Variants in CD226 observed in about 807,000 individuals in gnomAD.
CD226 encodes the protein CD226 antigen.
A neutral mutation model predicts 34.9 loss-of-function variants in CD226; 24 were observed. The observed-to-expected ratio is 0.69, with a 90% confidence interval of 0.50 to 0.97. The LOEUF (loss-of-function observed/expected upper bound fraction) is 0.97, where lower values mean the gene tolerates loss of function less well. Among genes scored for constraint, CD226 ranks in the 50% least tolerant of loss-of-function variants. The pLI, the probability that CD226 is intolerant of heterozygous loss-of-function variation, is 0.00. For missense variants in CD226, 397 were observed against 412.7 expected, an observed-to-expected ratio of 0.96 and a Z score of 0.33; for synonymous variants, 148 against 147.4, an observed-to-expected ratio of 1.00 and a Z score of -0.03.
intron 3 of CD226, among the ~76,000 whole-genome samples, chr18:69,886,082 C>T (rs1029218801): frequency 1.3e-5 from 2 of 152,108 alleles, no homozygotes; most frequent in East Asian, 3.9e-4. Flanking sequence ...TTTTCTCTTC[C>T]ACTTTGAGCA....
chr18:69,931,666 T>G (rs2055591037), intron 2 of CD226, among the ~76,000 whole-genome samples: 1 of 152,166 alleles, frequency 6.6e-6, no homozygotes, highest in South Asian at 2.1e-4. Flanking sequence ...CTCTGGCAGT[T>G]GTAATAGTTT....
At position 69,873,126 on chromosome 18, in the gene CD226, A is replaced by G. The variant is rs763426759; in HGVS notation, c.830+18T>C. ...TCTAACATGGTGAATAAGATTCAGC[A>G]TAAGTTGCACTACTCACCTGTTAAG... is the stretch of plus-strand genomic sequence containing the variant. On this transcript the variant is annotated intron_variant, in intron 4 of 5. Transcript: ENST00000582621. 20 of 1,280,356 alleles carry G rather than the reference A, an allele frequency of 1.6e-5. No homozygotes were observed. The highest frequency in any genetic ancestry group is 1.3e-4 in the Admixed American group (8 of 59,418). 79.3% of individuals were successfully genotyped at this position (1,280,356 alleles called of 1,614,324 possible). A position where few individuals can be genotyped will look rare whatever the true frequency, so the allele number is the denominator to read the frequency against.
intron 2 of CD226, among the ~76,000 whole-genome samples, chr18:69,930,396 T>G (rs1424149682): frequency 6.6e-6 from 1 of 152,076 alleles, no homozygotes; most frequent in East Asian, 1.9e-4. Context: ...AGCAAATGTA[T>G]TTGTGAAAGG....
chr18:69,871,926 A>T (rs1042400031), intron 4 of CD226, among the ~76,000 whole-genome samples: 4 of 152,138 alleles, frequency 2.6e-5, no homozygotes, highest in African/African-American at 7.2e-5. Flanking sequence ...TGGGTTAGAG[A>T]AAGAGGCTAC....
In CD226 at chr18:69,858,229, G is replaced by C. The variant is rs1368295169; in HGVS notation, c.*6085C>G. 6.6e-6 allele frequency: 1 copy of C among 152,064 alleles called. No homozygotes were observed. Among genetic ancestry groups the C allele is most frequent in the East Asian group, 1.9e-4 (1 of 5,196 alleles). 9.4% of individuals were successfully genotyped at this position (152,064 alleles called of 1,614,324 possible). A position where few individuals can be genotyped will look rare whatever the true frequency, so the allele number is the denominator to read the frequency against. ...TCTTGGATATATTTAGTTACATCTG[G>C]AATAAACTCAGGTATTACACAGGGC... On this transcript the variant is annotated 3_prime_UTR_variant, in exon 6 of 6. Transcript: ENST00000582621.
chr18:69,901,257 G>C (rs1298611819), intron 2 of CD226, among the ~76,000 whole-genome samples: 1 of 152,172 alleles, frequency 6.6e-6, no homozygotes, highest in Admixed American at 6.5e-5. Context: ...AAAATTCATA[G>C]AACTGGAGAA....
intron 2 of CD226, among the ~76,000 whole-genome samples, chr18:69,901,081 G>T (rs67660661): frequency 0.18 from 26,666 of 151,962 alleles, 2,581 homozygotes; most frequent in Middle Eastern, 0.42. Context: ...TTACAGAACT[G>T]CAAAGAGCAG....
In CD226 at chr18:69,916,734, T is replaced by A. The variant is rs181754552; in HGVS notation, c.383-20689A>T. Among the ~76,000 whole-genome samples, 3 of 152,310 alleles carry A rather than the reference T, an allele frequency of 2.0e-5. No homozygotes were observed. In the East Asian group the frequency reaches 5.8e-4, roughly 29 times the overall value. Reference sequence around the variant, plus strand: ...CTGTCCTTTTTATACATTTTGTACATAAGGGAACAGACGAGATTCTTATAC... The same window carrying A: ...CTGTCCTTTTTATACATTTTGTACAAAAGGGAACAGACGAGATTCTTATAC... On this transcript the variant is annotated intron_variant, in intron 2 of 5. Coordinates refer to ENST00000582621, the MANE Select transcript of CD226 (RefSeq NM_001303618.2).
intron 2 of CD226, among the ~76,000 whole-genome samples, chr18:69,900,306 A>G (rs2055159001): frequency 6.6e-6 from 1 of 151,464 alleles, no homozygotes; most frequent in Non-Finnish European, 1.5e-5. Context: ...GGAGGGAGAG[A>G]AGCAGAAAAG....
intron 3 of CD226, among the ~76,000 whole-genome samples, chr18:69,873,527 T>C (rs1366759614): frequency 6.6e-6 from 1 of 151,866 alleles, no homozygotes; most frequent in Non-Finnish European, 1.5e-5. Flanking sequence ...AAAGACCTCA[T>C]TCAAATAAGC....
At chr18:69,944,560 T>C (rs931844220) in intron 2 of CD226, 5 of 152,254 alleles carry the variant, frequency 3.3e-5, no homozygotes, top group African/African-American at 9.6e-5. Flanking sequence ...CTGTTTTCAA[T>C]TGGTTGTCCT....
At chr18:69,897,256 C>A (rs2145249989) in intron 2 of CD226, among the ~76,000 whole-genome samples, 1 of 152,140 alleles carries the variant, frequency 6.6e-6, no homozygotes, top group East Asian at 1.9e-4. Context: ...ACAAACACTC[C>A]CTGAGGGCCT....
chr18:69,924,338 C>T (rs570941452), intron 2 of CD226, among the ~76,000 whole-genome samples: 5 of 151,876 alleles, frequency 3.3e-5, no homozygotes, highest in Admixed American at 1.3e-4. Context: ...TATTGCATTG[C>T]GGAATGAAAT....
chr18:69,878,306 T>G (rs1444506288), intron 3 of CD226, among the ~76,000 whole-genome samples: 7 of 152,120 alleles, frequency 4.6e-5, no homozygotes, highest in African/African-American at 1.7e-4. Context: ...TCACAGAAGA[T>G]AAATACAGTT....
chr18:69,957,985 G>T (rs1460311368), upstream of CD226, among the ~76,000 whole-genome samples: 1 of 152,154 alleles, frequency 6.6e-6, no homozygotes, highest in Non-Finnish European at 1.5e-5. Flanking sequence ...CTTACATTGT[G>T]TAATTTGAGG....
chr18:69,889,348 T>G (rs1044573835), intron 3 of CD226, among the ~76,000 whole-genome samples: 1 of 152,138 alleles, frequency 6.6e-6, no homozygotes, highest in African/African-American at 2.4e-5. Flanking sequence ...AAGGCTGAGG[T>G]TCACCACACA....
At chr18:69,869,434 A>G (rs909516658) in intron 4 of CD226, among the ~76,000 whole-genome samples, 3 of 152,306 alleles carry the variant, frequency 2.0e-5, no homozygotes, top group South Asian at 2.1e-4. Context: ...GTTCTCACCT[A>G]TAAGTGGGAG....
chr18:69,900,725 C>G (rs1236154448), intron 2 of CD226, among the ~76,000 whole-genome samples: 1 of 130,080 alleles, frequency 7.7e-6, no homozygotes, highest in African/African-American at 3.1e-5. Flanking sequence ...GGCGACAGAG[C>G]GAGACTCCGT....
At chr18:69,887,858 A>T (rs1052352464) in intron 3 of CD226, among the ~76,000 whole-genome samples, 2 of 152,380 alleles carry the variant, frequency 1.3e-5, no homozygotes, top group African/African-American at 4.8e-5. Flanking sequence ...GTTGCACCAA[A>T]AAAACTTATA....
Sources: allele counts gnomAD v4.1 joint callset (sites outside exome capture counted in the v4.1 genomes callset), GRCh38; gene constraint gnomAD v4.1.1; transcripts MANE v1.5; gene names NCBI Gene and HGNC (gene_info 2026-07-23, HGNC 2026-07-21).